ZZZ3: variants seen among roughly 807,000 people sequenced by gnomAD.
ZZZ3 encodes the protein ZZ-type zinc finger-containing protein 3.
A neutral mutation model predicts 95.2 loss-of-function variants in ZZZ3; 22 were observed. The ratio of observed to expected loss-of-function variants is 0.23; its 90% CI spans 0.17 to 0.33. The LOEUF (loss-of-function observed/expected upper bound fraction) is 0.33. ZZZ3 is among the 10% of genes least tolerant of loss of function. The probability of loss-of-function intolerance (pLI) is 1.00; values close to 1 mark genes in which losing one functional copy is unlikely to be tolerated. For synonymous variants in ZZZ3, 335 were observed against 358.9 expected (o/e 0.93, Z 0.75); for missense variants, 885 against 1,066.5 (o/e 0.83, Z 2.37).
chr1:77,589,612 C>T (rs934030397), intron 5 of ZZZ3, among the ~76,000 whole-genome samples: 1 of 151,550 alleles, frequency 6.6e-6, no homozygotes, highest in Non-Finnish European at 1.5e-5. Context: ...ATTTTGTTCT[C>T]TGGGGTTTGG....
chr1:77,615,620 C>CA (rs1173768789), intron 5 of ZZZ3, among the ~76,000 whole-genome samples: 2 of 151,942 alleles, frequency 1.3e-5, no homozygotes, highest in East Asian at 3.8e-4. Flanking sequence ...TTATTTTTGA[C>CA]AAAAAATATA....
intron 1 of ZZZ3, among the ~76,000 whole-genome samples, chr1:77,658,894 T>C (rs1298582334): frequency 6.6e-6 from 1 of 152,224 alleles, no homozygotes; most frequent in African/African-American, 2.4e-5. Context: ...CAGGTGGCTT[T>C]TAAGATAAAG....
At chr1:77,640,125 A>G (rs1479498653) in intron 3 of ZZZ3, among the ~76,000 whole-genome samples, 3 of 152,180 alleles carry the variant, frequency 2.0e-5, no homozygotes, top group Non-Finnish European at 4.4e-5. Flanking sequence ...ACAAAATTCA[A>G]TTACAAAAGG....
intron 1 of ZZZ3, among the ~76,000 whole-genome samples, chr1:77,647,207 C>T (rs994219104): frequency 2.0e-5 from 3 of 152,238 alleles, no homozygotes; most frequent in African/African-American, 7.2e-5. Context: ...TTATACATTA[C>T]ATAGTGTTTC....
intron 5 of ZZZ3, among the ~76,000 whole-genome samples, chr1:77,627,317 A>C (rs571438041): frequency 6.6e-6 from 1 of 152,300 alleles, no homozygotes; most frequent in South Asian, 2.1e-4. Context: ...AACTAATGAA[A>C]TTGCTTTGTA....
At chr1:77,653,093 A>G (rs575126012) in intron 1 of ZZZ3, among the ~76,000 whole-genome samples, 1 of 152,280 alleles carries the variant, frequency 6.6e-6, no homozygotes, top group South Asian at 2.1e-4. Context: ...AGATTGAGGC[A>G]AGAGGACTGC....
chr1:77,618,855 T>A (rs1666585470), intron 5 of ZZZ3, among the ~76,000 whole-genome samples: 1 of 152,192 alleles, frequency 6.6e-6, no homozygotes, highest in Non-Finnish European at 1.5e-5. Context: ...ATTATAACCT[T>A]CAAAAAATGG....
At chr1:77,571,115 G>GTCT (rs1270680952) in intron 12 of ZZZ3, among the ~76,000 whole-genome samples, 1 of 151,912 alleles carries the variant, frequency 6.6e-6, no homozygotes, top group Non-Finnish European at 1.5e-5. Flanking sequence ...AGTAAGACAC[G>GTCT]TCTTAATGAA....
intron 1 of ZZZ3, chr1:77,645,346 T>A (rs185531236): frequency 2.0e-5 from 3 of 152,426 alleles, no homozygotes; most frequent in Admixed American, 2.0e-4. Context: ...CACACATGCC[T>A]ATAGTCCCAG....
chr1:77,617,992 T>C (rs1666479350), intron 5 of ZZZ3, among the ~76,000 whole-genome samples: 1 of 152,098 alleles, frequency 6.6e-6, no homozygotes, highest in African/African-American at 2.4e-5. Flanking sequence ...ATGGTAATTC[T>C]ATGTTTAACT....
Position 77,641,410 on chromosome 1 carries a change from G to A in ZZZ3, c.-232C>T, listed in dbSNP as rs925278344. ...GCTGAGCTCTATCAGCATTAAGATA[G>A]ACAGGATCCTGCAGTGTTTCTTAAA... On this transcript the variant is annotated 5_prime_UTR_variant, in exon 3 of 15. Transcript: ENST00000370801. 3.6e-5 allele frequency: 14 copies of A among 394,214 alleles called. No individual in the cohort carries two copies. Among genetic ancestry groups the A allele is most frequent in the African/African-American group, 6.2e-5 (3 of 48,506 alleles). 24.4% of individuals were successfully genotyped at this position (394,214 alleles called of 1,614,324 possible).
At chr1:77,664,149 T>C (rs919482226) in intron 1 of ZZZ3, among the ~76,000 whole-genome samples, 7 of 152,024 alleles carry the variant, frequency 4.6e-5, no homozygotes, top group African/African-American at 1.7e-4. Context: ...GCTCAGGCCA[T>C]CATCATTCTA....
At chr1:77,598,575 C>T (rs1302512577) in intron 5 of ZZZ3, among the ~76,000 whole-genome samples, 2 of 152,072 alleles carry the variant, frequency 1.3e-5, no homozygotes, top group Non-Finnish European at 2.9e-5. Flanking sequence ...AAGATTGCAC[C>T]AGTTGAAATA....
intron 1 of ZZZ3, among the ~76,000 whole-genome samples, chr1:77,654,185 C>CAAAAAAAAAAAAAAAAAAAAA: frequency 1.5e-5 from 1 of 66,344 alleles, no homozygotes; most frequent in Non-Finnish European, 3.1e-5. Flanking sequence ...GACTCCATCT[C>CAAAAAAAAAAAAAAAAAAAAA]AAAAAAAAAA....
intron 1 of ZZZ3, chr1:77,677,334 T>C: frequency 6.7e-6 from 1 of 150,030 alleles, no homozygotes; most frequent in African/African-American, 2.5e-5. Flanking sequence ...CAAGATTCTG[T>C]CTCAAAACAA....
intron 5 of ZZZ3, among the ~76,000 whole-genome samples, chr1:77,597,400 G>A (rs545816616): frequency 2.0e-5 from 3 of 152,202 alleles, no homozygotes; most frequent in Admixed American, 6.5e-5. Context: ...AATAGGGAAC[G>A]CAGCTCCCCA....
chr1:77,598,440 CAT>C (rs1664420373), intron 5 of ZZZ3, among the ~76,000 whole-genome samples: 1 of 152,028 alleles, frequency 6.6e-6, no homozygotes, highest in African/African-American at 2.4e-5. Context: ...AAAATTTGCA[CAT>C]AAGTGGACCT....
chr1:77,568,262 G>C (rs1661016471), intron 13 of ZZZ3, 70 bp downstream of exon 13: 5 of 1,367,894 alleles, frequency 3.7e-6, no homozygotes, highest in Non-Finnish European at 5.0e-6. Context: ...CTGGGCAACA[G>C]AGTGAGACTC....
At chr1:77,579,055 T>A (rs1662247700) in intron 10 of ZZZ3, among the ~76,000 whole-genome samples, 186 bp from the exon 11 acceptor site, 1 of 152,180 alleles carries the variant, frequency 6.6e-6, no homozygotes, top group African/African-American at 2.4e-5. Context: ...CAAACAAAAA[T>A]TATTCAAGTA....
Sources: gnomAD v4.1 joint callset for allele counts (sites outside exome capture counted in the v4.1 genomes callset) on GRCh38, gnomAD v4.1.1 for gene constraint, MANE v1.5 for transcripts, NCBI Gene and HGNC (gene_info 2026-07-23, HGNC 2026-07-21) for gene names.